PTBP3: variants seen among roughly 807,000 people sequenced by gnomAD.
PTBP3 encodes the protein polypyrimidine tract binding protein 3, also known as polypyrimidine tract-binding protein 3.
A neutral mutation model predicts 58.7 loss-of-function variants in PTBP3; 20 were observed. The ratio of observed to expected loss-of-function variants is 0.34; its 90% CI spans 0.24 to 0.50. The LOEUF is 0.50. Among genes scored for constraint, PTBP3 ranks in the 20% least tolerant of loss-of-function variants. The probability of loss-of-function intolerance (pLI) is 0.98; values close to 1 mark genes in which losing one functional copy is unlikely to be tolerated. For missense variants in PTBP3, 509 were observed against 637.2 expected, an observed-to-expected ratio of 0.80 and a Z score of 2.17; for synonymous variants, 185 against 219.8, an observed-to-expected ratio of 0.84 and a Z score of 1.40.
At chr9:112,364,550 T>C in the PTBP3 span, among the ~76,000 whole-genome samples, 1 of 152,108 alleles carries the variant, frequency 6.6e-6, no homozygotes, top group African/African-American at 2.4e-5. Flanking sequence ...GAAGGATAGC[T>C]TGAGCCTAGG....
chr9:112,359,224 T>C, the PTBP3 span, among the ~76,000 whole-genome samples: 1 of 151,500 alleles, frequency 6.6e-6, no homozygotes, highest in Non-Finnish European at 1.5e-5. Context: ...GCGGATCACC[T>C]GAGGTCAGGA....
chr9:112,312,309 C>T (rs1418384079), intron 1 of PTBP3, among the ~76,000 whole-genome samples: 1 of 151,728 alleles, frequency 6.6e-6, no homozygotes, highest in Non-Finnish European at 1.5e-5. Context: ...ATAGTGAGAC[C>T]CTGTATCTAC....
intron 12 of PTBP3, among the ~76,000 whole-genome samples, chr9:112,225,006 G>A (rs1181236586): frequency 6.6e-6 from 1 of 152,120 alleles, no homozygotes; most frequent in Non-Finnish European, 1.5e-5. Flanking sequence ...GACAGACTCA[G>A]CCAAAGCCAC....
chr9:112,363,097 A>C, the PTBP3 span: 56 of 170,810 alleles, frequency 3.3e-4, no homozygotes, highest in Admixed American at 1.2e-3. Flanking sequence ...GCCAGGCAGC[A>C]CAGCAAAGAA....
chr9:112,229,564 CAAAA>C (rs35366224), intron 10 of PTBP3, among the ~76,000 whole-genome samples: 1 of 141,436 alleles, frequency 7.1e-6, no homozygotes, highest in Non-Finnish European at 1.5e-5. Flanking sequence ...GACCCTGTCT[CAAAA>C]AAAAAAAAAA....
At position 112,220,892 on chromosome 9, in the gene PTBP3, G is replaced by C. The variant is rs564559344; in HGVS notation, c.*2959C>G. On this transcript the variant is annotated 3_prime_UTR_variant, in exon 14 of 14. Transcript: ENST00000374257. The stretch of plus-strand genomic sequence containing the variant: ...TAAAAATAAAATAAACTTAAAAATA[G>C]GATACTACGGTAGATCAACAGAGAA... 51 of 969,648 alleles carry C rather than the reference G, an allele frequency of 5.3e-5. 1 individual carries two copies. In the South Asian group the frequency reaches 2.0e-3, roughly 37 times the overall value. The allele number at this position is 969,648 out of a possible 1,614,324, so 60.1% of individuals were successfully genotyped here.
At chr9:112,367,230 C>T in the PTBP3 span, among the ~76,000 whole-genome samples, 6 of 152,310 alleles carry the variant, frequency 3.9e-5, no homozygotes, top group African/African-American at 1.4e-4. Flanking sequence ...CTTTAGACTA[C>T]AGTTAAAAGT....
chr9:112,340,844 C>T, the PTBP3 span, among the ~76,000 whole-genome samples: 1 of 149,446 alleles, frequency 6.7e-6, no homozygotes, highest in Non-Finnish European at 1.5e-5. Flanking sequence ...CCATTGCACT[C>T]CCGCTTGGGC....
chr9:112,267,164 CTT>C (rs1433975388), intron 4 of PTBP3, among the ~76,000 whole-genome samples: 4 of 147,838 alleles, frequency 2.7e-5, no homozygotes, highest in East Asian at 3.9e-4. Context: ...AAAAAACCCA[CTT>C]TCTTTTTTTT....
In PTBP3 at chr9:112,222,046, A is replaced by G; in HGVS notation, c.*1805T>C. 2.1e-6 allele frequency: 2 copies of G among 957,404 alleles called. No homozygotes were observed. The highest frequency in any genetic ancestry group is 2.5e-6 in the Non-Finnish European group (2 of 804,130). The allele number at this position is 957,404 out of a possible 1,614,324, so 59.3% of individuals were successfully genotyped here. ...CTCCTGCCTGTAGCCTCCTGCCTAC[A>G]GGCTCAGCCTGTAGCTGGGACTACA... On this transcript the variant is annotated 3_prime_UTR_variant, in exon 14 of 14. Transcript: ENST00000374257.
intron 2 of PTBP3, among the ~76,000 whole-genome samples, chr9:112,283,351 T>C (rs1303286634): frequency 6.6e-6 from 1 of 152,146 alleles, no homozygotes; most frequent in Non-Finnish European, 1.5e-5. Flanking sequence ...AAAATGCTGA[T>C]AGTGGTATGG....
the PTBP3 span, among the ~76,000 whole-genome samples, chr9:112,377,382 T>C: frequency 0.012 from 1,778 of 152,246 alleles, 33 homozygotes; most frequent in African/African-American, 0.041. Flanking sequence ...CACATTGTAC[T>C]AGACTGTCTT....
chr9:112,314,939 C>T (rs1165333207), intron 1 of PTBP3, among the ~76,000 whole-genome samples: 1 of 151,556 alleles, frequency 6.6e-6, no homozygotes, highest in Non-Finnish European at 1.5e-5. Context: ...TTACACCATT[C>T]TCCTGCCTCA....
At chr9:112,244,798 C>A (rs201080186) in intron 7 of PTBP3, among the ~76,000 whole-genome samples, 3 of 151,632 alleles carry the variant, frequency 2.0e-5, no homozygotes, top group African/African-American at 7.3e-5. Flanking sequence ...CAATGTAATC[C>A]CAATCAAAAC....
the PTBP3 span, among the ~76,000 whole-genome samples, chr9:112,348,986 T>C: frequency 1.3e-5 from 2 of 152,222 alleles, no homozygotes; most frequent in Non-Finnish European, 2.9e-5. Context: ...ATAAGAAATA[T>C]ATTTAGTCTT....
chr9:112,232,999 T>C (rs1297964289), intron 8 of PTBP3, among the ~76,000 whole-genome samples: 2 of 152,040 alleles, frequency 1.3e-5, no homozygotes, highest in Non-Finnish European at 2.9e-5. Context: ...GTCTGACCAC[T>C]TCACCACAAA....
chr9:112,306,605 T>C lies in PTBP3; in HGVS notation c.-51-8689A>G, dbSNP rs955507668. Among the ~76,000 whole-genome samples, 3 of 94,154 alleles carry C rather than the reference T, an allele frequency of 3.2e-5. No individual in the cohort carries two copies. The South Asian group carries it at 9.3e-4, about 29-fold the overall frequency. 61.8% of individuals were successfully genotyped at this position (94,154 alleles called of 152,430 possible). ...AAATTTGTATATATATATATATATATTTTTGTTTGTTTGTTTGTTTGTTTG... is the reference window on the plus strand; with the variant it reads ...AAATTTGTATATATATATATATATACTTTTGTTTGTTTGTTTGTTTGTTTG... On this transcript the variant is annotated intron_variant, in intron 1 of 13. Transcript: ENST00000374257.
At chr9:112,284,737 A>T (rs1828033742) in intron 2 of PTBP3, among the ~76,000 whole-genome samples, 1 of 152,000 alleles carries the variant, frequency 6.6e-6, no homozygotes, top group African/African-American at 2.4e-5. Context: ...AACAACAACA[A>T]AAACAAGATT....
intron 1 of PTBP3, among the ~76,000 whole-genome samples, chr9:112,307,057 A>G (rs1829251303): frequency 6.6e-6 from 1 of 152,240 alleles, no homozygotes; most frequent in Non-Finnish European, 1.5e-5. Context: ...GAAAAGAATA[A>G]AACATGCCTA....
Sources: gnomAD v4.1 joint callset for allele counts (sites outside exome capture counted in the v4.1 genomes callset) on GRCh38, gnomAD v4.1.1 for gene constraint, MANE v1.5 for transcripts, NCBI Gene and HGNC (gene_info 2026-07-23, HGNC 2026-07-21) for gene names.